The following CCP110 variants were observed in gnomAD, a reference collection of about 807,000 sequenced individuals.
CCP110 encodes the protein centriolar coiled-coil protein of 110 kDa.
A neutral mutation model predicts 105.5 loss-of-function variants in CCP110; 43 were observed. The observed-to-expected ratio is 0.41, with a 90% confidence interval of 0.32 to 0.53. The LOEUF is 0.53. Ranked by LOEUF, CCP110 falls within the 20% of genes least tolerant of loss-of-function variation. The probability of loss-of-function intolerance (pLI) is 0.32; values close to 1 mark genes in which losing one functional copy is unlikely to be tolerated. For missense variants in CCP110, 1,016 were observed against 1,189.1 expected (o/e 0.85, Z 2.14); for synonymous variants, 353 against 392.1 (o/e 0.90, Z 1.18).
chr16:19,551,273 A>T, exon 15 of CCP110: 1 of 1,587,484 alleles, frequency 6.3e-7, no homozygotes, highest in Non-Finnish European at 8.7e-7. Context: ...TTAGGATAAA[A>T]TGGGGGGAAG....
intron 2 of CCP110, among the ~76,000 whole-genome samples, chr16:19,530,075 G>T (rs1318558920): frequency 1.3e-5 from 2 of 151,638 alleles, no homozygotes; most frequent in East Asian, 3.9e-4. Flanking sequence ...CGCGCACCAG[G>T]AGTCTCAGCT....
chr16:19,536,523 G>A, exon 4 of CCP110: 1 of 1,614,072 alleles, frequency 6.2e-7, no homozygotes. Context: ...GGCAAACACT[G>A]TGTCTCAGTT....
chr16:19,544,062 A>G (rs1011058329), intron 8 of CCP110, among the ~76,000 whole-genome samples: 2 of 152,036 alleles, frequency 1.3e-5, no homozygotes, highest in African/African-American at 4.8e-5. Flanking sequence ...TCCTTAATGA[A>G]ACTTGCTGGC....
At chr16:19,542,142 T>A in intron 6 of CCP110, 78 bp downstream of exon 6, 8 of 967,194 alleles carry the variant, frequency 8.3e-6, no homozygotes, top group South Asian at 1.8e-5. Context: ...TATAAGATTA[T>A]ATCTCCTGTT....
chr16:19,533,376 G>A (rs115196547), intron 3 of CCP110, among the ~76,000 whole-genome samples: 1 of 152,126 alleles, frequency 6.6e-6, no homozygotes, highest in Non-Finnish European at 1.5e-5. Flanking sequence ...AGAGACAAAA[G>A]TTACAGTAGA....
At position 19,536,258 on chromosome 16, in the gene CCP110, G is replaced by C; in HGVS notation, c.589G>C (p.Glu197Gln). The C allele has an allele frequency of 6.2e-7, 1 of 1,613,800 alleles. No individual in the cohort carries two copies. Residue 197 changes from glutamate to glutamine, a missense_variant, in exon 4 of 15, where the codon GAA becomes CAA. Physicochemically the swap from Glu to Gln is conservative, Grantham distance 29. Transcript: ENST00000381396. The stretch of plus-strand genomic sequence containing the variant: ...AAAGACCTCTTCAGCAACCCCACAA[G>C]AAACTCTTATTTCTGATGGTCCCTT...
At chr16:19,542,878 G>A in exon 8 of CCP110, 1 of 1,594,916 alleles carries the variant, frequency 6.3e-7, no homozygotes, top group Middle Eastern at 1.7e-4. Flanking sequence ...TTTCTCCTAG[G>A]TTTTTAGTCT....
exon 8 of CCP110, chr16:19,542,893 A>G: frequency 6.2e-7 from 1 of 1,610,854 alleles, no homozygotes; most frequent in Admixed American, 1.7e-5. Flanking sequence ...TAGTCTGGAA[A>G]TACAAGCAAA....
Position 19,548,532 on chromosome 16 carries a change from T to C in CCP110, c.2918T>C (p.Val973Ala). 6.5e-7 allele frequency: 1 copy of C among 1,547,462 alleles called. No individual in the cohort carries two copies. Among genetic ancestry groups the C allele is most frequent in the Non-Finnish European group, 8.7e-7 (1 of 1,144,552 alleles). The stretch of plus-strand genomic sequence containing the variant: ...TCAATTAGAACCCCTAAGACATCAG[T>C]GAAGGGGGTTGTGCAAAATAGACAG... The change falls in exon 14 of 15, where the codon GTG becomes GCG. Residue 973 changes from valine to alanine, a missense_variant. Transcript: ENST00000381396. The surrounding 1 kb of genome is among the most constrained non-coding windows in gnomAD (Gnocchi z 4.1).
At position 19,527,853 on chromosome 16, in the gene CCP110, T is replaced by C; in HGVS notation, c.-15-14T>C. ...TTCCCAGTACATTAAAAATAACATT[T>C]TTCTCTCTTGTAGTGTGACTGTGGG... On this transcript the variant is annotated splice_polypyrimidine_tract_variant and intron_variant, in intron 1 of 14. Transcript: ENST00000381396. 6.3e-7 allele frequency: 1 copy of C among 1,588,978 alleles called. No individual in the cohort carries two copies. The highest frequency in any genetic ancestry group is 1.2e-5 in the South Asian group (1 of 86,614).
Position 19,536,968 on chromosome 16 carries a change from G to A in CCP110, c.1299G>A (p.Ala433=), listed in dbSNP as rs7191012. 0.15 allele frequency: 242,133 copies of A among 1,614,030 alleles called. 18,846 individuals carry two copies. Among genetic ancestry groups the A allele is most frequent in the Middle Eastern group, 0.2 (1,214 of 6,062 alleles). ...TGCCAAAGTTACCAACTGATTTAGCGGGAGTTTGTTCAAGCAAGGTTTATG... is the reference window on the plus strand; with the variant it reads ...TGCCAAAGTTACCAACTGATTTAGCAGGAGTTTGTTCAAGCAAGGTTTATG... Residue 433 remains alanine, a synonymous_variant, in exon 4 of 15, where the codon GCG becomes GCA. Coordinates refer to ENST00000381396, the Ensembl canonical transcript of CCP110.
chr16:19,551,360 C>A, exon 15 of CCP110: 1 of 888,652 alleles, frequency 1.1e-6, no homozygotes, highest in Non-Finnish European at 1.9e-6. Flanking sequence ...AAAGTGACAT[C>A]AGAAGGCTGA....
chr16:19,537,444 T>C (rs774235433), exon 4 of CCP110: 2 of 1,613,118 alleles, frequency 1.2e-6, no homozygotes, highest in African/African-American at 1.3e-5. Context: ...GATTTAGATA[T>C]TGATGGTTTG....
intron 6 of CCP110, 71 bp downstream of exon 6, chr16:19,542,135 A>AT: frequency 9.7e-7 from 1 of 1,035,716 alleles, no homozygotes; most frequent in Non-Finnish European, 1.4e-6. Context: ...GGCACACTAT[A>AT]AGATTATATC....
chr16:19,525,335 C>T (rs1969633590), intron 1 of CCP110: 1 of 152,228 alleles, frequency 6.6e-6, no homozygotes, highest in Admixed American at 6.5e-5. Flanking sequence ...TCTGAACCTG[C>T]TGTAGCTGAC....
intron 4 of CCP110, 54 bp from the exon 5 acceptor site, chr16:19,540,603 A>T: frequency 6.9e-7 from 1 of 1,441,900 alleles, no homozygotes; most frequent in Admixed American, 1.8e-5. Context: ...GGTATAAAAT[A>T]TCAGACATTA....
chr16:19,530,781 C>T (rs1296275360), intron 2 of CCP110, among the ~76,000 whole-genome samples: 1 of 151,956 alleles, frequency 6.6e-6, no homozygotes, highest in South Asian at 2.1e-4. Context: ...TGGCGAAACC[C>T]CTTGTCTACT....
intron 2 of CCP110, among the ~76,000 whole-genome samples, chr16:19,528,421 G>A (rs1323195899): frequency 6.6e-6 from 1 of 152,138 alleles, no homozygotes; most frequent in Non-Finnish European, 1.5e-5. Context: ...AAAGGTTGAC[G>A]AACCACCTAA....
chr16:19,536,113 G>A (rs1407757602), exon 4 of CCP110: 1 of 1,613,896 alleles, frequency 6.2e-7, no homozygotes, highest in Middle Eastern at 1.6e-4. Flanking sequence ...TTTTGCCATT[G>A]GATAATGAGG....
Sources: gnomAD v4.1 joint callset for allele counts (sites outside exome capture counted in the v4.1 genomes callset) on GRCh38, gnomAD v4.1.1 for gene constraint, Gnocchi (gnomAD v3.1) non-coding constraint, MANE v1.5 for transcripts, NCBI Gene and HGNC (gene_info 2026-07-23, HGNC 2026-07-21) for gene names.